LRRC69: variants seen among roughly 807,000 people sequenced by gnomAD.
LRRC69 encodes the protein leucine rich repeat containing 69.
Under a neutral mutation model 37.8 loss-of-function variants are expected in LRRC69, and 42 were observed. The ratio of observed to expected loss-of-function variants is 1.11; its 90% CI spans 0.87 to 1.44. The LOEUF is 1.44. Ranked by LOEUF, LRRC69 falls within the 40% of genes most tolerant of loss-of-function variation. LRRC69 has a pLI of 0.00. For missense variants in LRRC69, 357 were observed against 401.9 expected (o/e 0.89, Z 0.96); for synonymous variants, 141 against 143.1 (o/e 0.99, Z 0.11).
At chr8:91,140,492 T>C (rs142298095) in intron 5 of LRRC69, among the ~76,000 whole-genome samples, 8 of 152,116 alleles carry the variant, frequency 5.3e-5, no homozygotes, top group East Asian at 1.9e-4. Context: ...GACTACACTT[T>C]ATTGTTTTCT....
intron 7 of LRRC69, chr8:91,206,570 C>T: frequency 4.1e-6 from 3 of 725,522 alleles, no homozygotes; most frequent in Non-Finnish European, 5.8e-6. Context: ...TCAAAACATC[C>T]TGCTTTCCAC....
intron 1 of LRRC69, among the ~76,000 whole-genome samples, chr8:91,116,662 G>A (rs188411916): frequency 7.8e-4 from 118 of 152,020 alleles, no homozygotes; most frequent in Non-Finnish European, 1.1e-3. Flanking sequence ...AATATAGGCC[G>A]TAGAATGAAC....
chr8:91,194,283 A>G (rs1349139473), intron 6 of LRRC69, among the ~76,000 whole-genome samples: 1 of 149,016 alleles, frequency 6.7e-6, no homozygotes, highest in Non-Finnish European at 1.5e-5. Context: ...ATCAATGTTC[A>G]TCAAGGATAT....
intron 6 of LRRC69, among the ~76,000 whole-genome samples, chr8:91,199,643 C>T (rs982220313): frequency 6.6e-6 from 1 of 152,028 alleles, no homozygotes; most frequent in African/African-American, 2.4e-5. Context: ...GGAAATCTTT[C>T]ACTTTTGTTG....
intron 1 of LRRC69, among the ~76,000 whole-genome samples, chr8:91,108,653 T>C (rs1487538795): frequency 2.0e-5 from 3 of 152,030 alleles, no homozygotes; most frequent in African/African-American, 7.2e-5. Flanking sequence ...GCGGGCCACA[T>C]GCGGCCCAGG....
chr8:91,151,064 G>T (rs1168303814), intron 5 of LRRC69, among the ~76,000 whole-genome samples: 1 of 150,772 alleles, frequency 6.6e-6, no homozygotes, highest in Non-Finnish European at 1.5e-5. Context: ...TTTTTGAAGG[G>T]TTTTTTGTGT....
intron 5 of LRRC69, among the ~76,000 whole-genome samples, chr8:91,171,192 C>T (rs1307255081): frequency 6.6e-6 from 1 of 151,964 alleles, no homozygotes; most frequent in Non-Finnish European, 1.5e-5. Flanking sequence ...AAGGCTGAAT[C>T]GTGTTTCTCA....
chr8:91,206,073 T>C (rs2130636736), intron 7 of LRRC69, among the ~76,000 whole-genome samples: 1 of 152,376 alleles, frequency 6.6e-6, no homozygotes, highest in Non-Finnish European at 1.5e-5. Context: ...AGAACCATTT[T>C]GGTTTTGTTC....
chr8:91,164,505 G>A (rs1808996518), intron 5 of LRRC69, among the ~76,000 whole-genome samples: 1 of 151,594 alleles, frequency 6.6e-6, no homozygotes, highest in African/African-American at 2.4e-5. Flanking sequence ...ACTCAGAATG[G>A]TTAGCTATGG....
chr8:91,197,764 A>C (rs1403062997), intron 6 of LRRC69, among the ~76,000 whole-genome samples: 1 of 150,170 alleles, frequency 6.7e-6, no homozygotes, highest in African/African-American at 2.5e-5. Flanking sequence ...AGTGAGATGA[A>C]CCCGGTACCT....
At chr8:91,107,486 G>A (rs895859322) in intron 1 of LRRC69, among the ~76,000 whole-genome samples, 1 of 151,916 alleles carries the variant, frequency 6.6e-6, no homozygotes, top group African/African-American at 2.4e-5. Context: ...TTGCATCTAT[G>A]CTGTTCCCAA....
chr8:91,210,383 G>T (rs1809886753), intron 7 of LRRC69, among the ~76,000 whole-genome samples: 1 of 152,122 alleles, frequency 6.6e-6, no homozygotes, highest in Non-Finnish European at 1.5e-5. Flanking sequence ...TTTATTGATT[G>T]ATGATGATAC....
chr8:91,112,998 T>C (rs1346187575), intron 1 of LRRC69, among the ~76,000 whole-genome samples: 1 of 151,664 alleles, frequency 6.6e-6, no homozygotes, highest in African/African-American at 2.4e-5. Flanking sequence ...AATAAAGTAC[T>C]CACAAACAAC....
intron 5 of LRRC69, among the ~76,000 whole-genome samples, chr8:91,156,948 G>A (rs1408563622): frequency 6.6e-6 from 1 of 151,022 alleles, no homozygotes; most frequent in Non-Finnish European, 1.5e-5. Context: ...TTTATTTCTG[G>A]GTTCTCTATT....
chr8:91,142,935 T>C (rs983513921), intron 5 of LRRC69, among the ~76,000 whole-genome samples: 1 of 152,058 alleles, frequency 6.6e-6, no homozygotes, highest in African/African-American at 2.4e-5. Flanking sequence ...AGGAACATTC[T>C]TTGGACAATA....
intron 1 of LRRC69, among the ~76,000 whole-genome samples, chr8:91,119,575 C>G (rs920584814): frequency 3.3e-5 from 5 of 152,160 alleles, no homozygotes; most frequent in Admixed American, 1.3e-4. Flanking sequence ...ATGTCTTTTC[C>G]TAGGTCATCT....
At chr8:91,200,469 C>G in intron 6 of LRRC69, 144 bp from the exon 7 acceptor site, 1 of 523,480 alleles carries the variant, frequency 1.9e-6, no homozygotes, top group East Asian at 3.5e-5. Flanking sequence ...ATTTACAACA[C>G]AATTCATTAG....
chr8:91,152,257 T>G (rs1196615333), intron 5 of LRRC69, among the ~76,000 whole-genome samples: 1 of 151,760 alleles, frequency 6.6e-6, no homozygotes, highest in Non-Finnish European at 1.5e-5. Context: ...AGGGTTTTTA[T>G]GGTTTTTGGT....
At chr8:91,203,507 C>T (rs1809744801) in intron 7 of LRRC69, among the ~76,000 whole-genome samples, 1 of 151,882 alleles carries the variant, frequency 6.6e-6, no homozygotes, top group Non-Finnish European at 1.5e-5. Context: ...ATTCTCCTGC[C>T]TCGGCCTCTC....
Sources: gnomAD v4.1 joint callset for allele counts (sites outside exome capture counted in the v4.1 genomes callset) on GRCh38, gnomAD v4.1.1 for gene constraint, MANE v1.5 for transcripts, NCBI Gene and HGNC (gene_info 2026-07-23, HGNC 2026-07-21) for gene names.